TCF7L2: variants seen among roughly 807,000 people sequenced by gnomAD.
The protein encoded by TCF7L2 is transcription factor 7 like 2.
TCF7L2 carries 23 observed loss-of-function variants against 77.9 expected under a neutral mutation model. That is an observed-to-expected ratio of 0.30 (90% CI 0.21 to 0.42). The LOEUF (loss-of-function observed/expected upper bound fraction) is 0.42, where lower values mean the gene tolerates loss of function less well. Ranked by LOEUF, TCF7L2 falls within the 10% of genes least tolerant of loss-of-function variation. The probability of loss-of-function intolerance (pLI) is 1.00; values close to 1 mark genes in which losing one functional copy is unlikely to be tolerated. For missense variants in TCF7L2, 654 were observed against 793.1 expected (o/e 0.82, Z 2.11); for synonymous variants, 413 against 340.2 (o/e 1.21, Z -2.36).
intron 5 of TCF7L2, among the ~76,000 whole-genome samples, chr10:113,041,063 A>C (rs1032575552): frequency 6.6e-6 from 1 of 152,242 alleles, no homozygotes; most frequent in Non-Finnish European, 1.5e-5. Context: ...AAGTTTCTTA[A>C]GTAGAAAAAT....
rs76944254 is a variant in TCF7L2 at position 112,979,764 on chromosome 10, A to T, written c.450+15140A>T. Among the ~76,000 whole-genome samples the T allele has an allele frequency of 5.5e-3, 688 of 124,492 alleles. 9 individuals are homozygous for T. The highest frequency in any genetic ancestry group is 0.032 in the South Asian group (126 of 3,898). 81.7% of individuals were successfully genotyped at this position (124,492 alleles called of 152,430 possible). A position where few individuals can be genotyped will look rare whatever the true frequency, so the allele number is the denominator to read the frequency against. On this transcript the variant is annotated intron_variant, in intron 4 of 13. Transcript: ENST00000627217. ...GAGCAAGACCCTGTCTCAAAAAAAA[A>T]TAAAAAAAATAAAAAAAATAAACGA...
At chr10:112,990,035 G>A (rs945651951) in intron 4 of TCF7L2, among the ~76,000 whole-genome samples, 1 of 152,158 alleles carries the variant, frequency 6.6e-6, no homozygotes, top group Non-Finnish European at 1.5e-5. Flanking sequence ...TGGAAGTTCA[G>A]GTTGGCACGT....
At chr10:113,104,114 C>T (rs898498240) in intron 5 of TCF7L2, among the ~76,000 whole-genome samples, 21 of 152,270 alleles carry the variant, frequency 1.4e-4, no homozygotes, top group Middle Eastern at 3.4e-3. Flanking sequence ...TATTCATTGG[C>T]GATCCTTCCC....
chr10:112,961,263 C>A (rs187842156), intron 3 of TCF7L2, among the ~76,000 whole-genome samples: 3 of 121,130 alleles, frequency 2.5e-5, no homozygotes, highest in Admixed American at 8.0e-5. Flanking sequence ...GACCCCCCCC[C>A]CCCCAACCTC....
At chr10:113,067,918 C>T (rs1479953279) in intron 5 of TCF7L2, among the ~76,000 whole-genome samples, 1 of 152,006 alleles carries the variant, frequency 6.6e-6, no homozygotes, top group African/African-American at 2.4e-5. Context: ...GATAAGTAGA[C>T]AGGGGCTCAT....
intron 5 of TCF7L2, among the ~76,000 whole-genome samples, chr10:113,098,480 A>G (rs551286140): frequency 6.6e-6 from 1 of 152,158 alleles, no homozygotes; most frequent in South Asian, 2.1e-4. Flanking sequence ...GCCGAGGCAG[A>G]TGGATCACAA....
chr10:113,121,775 AAC>A lies in TCF7L2; in HGVS notation c.553-19389_553-19388del, dbSNP rs59915449. ...CACACGTGCACGCACACATACACAC[AAC>A]ACACACACACACACACACAAATGAA... On this transcript the variant is annotated intron_variant, in intron 5 of 13. Coordinates refer to ENST00000627217, the MANE Select transcript of TCF7L2 (RefSeq NM_001146274.2). Among the ~76,000 whole-genome samples, 1,247 of 148,806 alleles carry A rather than the reference AAC, an allele frequency of 8.4e-3. 19 individuals carry two copies. The highest frequency in any genetic ancestry group is 0.025 in the African/African-American group (991 of 40,366).
At chr10:112,971,303 TA>T (rs1390965758) in intron 4 of TCF7L2, among the ~76,000 whole-genome samples, 7 of 152,186 alleles carry the variant, frequency 4.6e-5, no homozygotes, top group African/African-American at 1.7e-4. Context: ...CCTTTTCTTT[TA>T]TTTTTTTTGA....
intron 4 of TCF7L2, among the ~76,000 whole-genome samples, chr10:113,020,098 A>T (rs2048041349): frequency 6.6e-6 from 1 of 152,130 alleles, no homozygotes. Context: ...GCTTTTTAGA[A>T]GTGAGTGTGT....
At chr10:113,006,354 C>G (rs779262028) in intron 4 of TCF7L2, among the ~76,000 whole-genome samples, 33 of 152,208 alleles carry the variant, frequency 2.2e-4, no homozygotes, top group Non-Finnish European at 2.9e-4. Flanking sequence ...CCCGAGGGCT[C>G]ACTCAGTGTG....
chr10:113,048,256 A>T (rs2053801566), intron 5 of TCF7L2, among the ~76,000 whole-genome samples: 5 of 152,188 alleles, frequency 3.3e-5, no homozygotes, highest in Admixed American at 3.3e-4. Context: ...CTTTCCAGTA[A>T]ATAAAACAAA....
chr10:113,106,164 A>T (rs2062290192), intron 5 of TCF7L2, among the ~76,000 whole-genome samples: 1 of 152,176 alleles, frequency 6.6e-6, no homozygotes, highest in Non-Finnish European at 1.5e-5. Flanking sequence ...GACCCCAACC[A>T]GAGTAATGTG....
At chr10:113,053,991 C>T (rs1003167351) in intron 5 of TCF7L2, among the ~76,000 whole-genome samples, 6 of 152,204 alleles carry the variant, frequency 3.9e-5, no homozygotes, top group Admixed American at 2.6e-4. Flanking sequence ...ATCAGGCACA[C>T]ATACAGGCGG....
intron 4 of TCF7L2, among the ~76,000 whole-genome samples, chr10:112,979,430 T>TC (rs1211978297): frequency 2.6e-5 from 4 of 152,198 alleles, no homozygotes; most frequent in Non-Finnish European, 5.9e-5. Context: ...TCTGGCGTTC[T>TC]CCAAGTTTCA....
chr10:113,017,340 C>T (rs1202899096), intron 4 of TCF7L2, among the ~76,000 whole-genome samples: 1 of 151,618 alleles, frequency 6.6e-6, no homozygotes, highest in African/African-American at 2.4e-5. Context: ...TTGGTAGAAG[C>T]TGGCGTTATC....
intron 5 of TCF7L2, among the ~76,000 whole-genome samples, chr10:113,130,768 A>ATTG (rs1363691663): frequency 6.6e-6 from 1 of 150,870 alleles, no homozygotes; most frequent in Non-Finnish European, 1.5e-5. Flanking sequence ...TATTATTATT[A>ATTG]TTATTATTAT....
intron 5 of TCF7L2, among the ~76,000 whole-genome samples, chr10:113,044,987 C>A (rs1047232044): frequency 6.6e-5 from 10 of 151,836 alleles, no homozygotes; most frequent in African/African-American, 2.2e-4. Context: ...GAAACAGCAG[C>A]GGAACTTGCT....
rs542520759 is a variant in TCF7L2 at position 113,022,589 on chromosome 10, G to C, written c.451-17436G>C. Among the ~76,000 whole-genome samples the C allele has an allele frequency of 2.9e-4, 44 of 152,220 alleles. No individual in the cohort carries two copies. In the South Asian group the frequency reaches 7.9e-3, roughly 27 times the overall value. ...TTCCCCCTTAAGCGGTGGTTAATACGCGTATCTGCAGATTTACTTTTTGGA... is the reference window on the plus strand; with the variant it reads ...TTCCCCCTTAAGCGGTGGTTAATACCCGTATCTGCAGATTTACTTTTTGGA... On this transcript the variant is annotated intron_variant, in intron 4 of 13. Coordinates refer to ENST00000627217, the MANE Select transcript of TCF7L2 (RefSeq NM_001146274.2).
chr10:113,084,191 C>G (rs2059594691), intron 5 of TCF7L2, among the ~76,000 whole-genome samples: 1 of 152,190 alleles, frequency 6.6e-6, no homozygotes, highest in African/African-American at 2.4e-5. Flanking sequence ...AAGGAACTGG[C>G]TCACCCAGTC....
Sources: gnomAD v4.1 joint callset for allele counts (sites outside exome capture counted in the v4.1 genomes callset) on GRCh38, gnomAD v4.1.1 for gene constraint, MANE v1.5 for transcripts, NCBI Gene and HGNC (gene_info 2026-07-23, HGNC 2026-07-21) for gene names.